Variants in TTC3 observed in about 807,000 individuals in gnomAD.
TTC3 encodes tetratricopeptide repeat domain 3.
TTC3 carries 180 observed loss-of-function variants against 249.6 expected under a neutral mutation model. The observed-to-expected ratio is 0.72, with a 90% CI of 0.64 to 0.82. TTC3 has a LOEUF of 0.82. Ranked by LOEUF, TTC3 falls within the 40% of genes least tolerant of loss-of-function variation. TTC3 has a pLI of 0.00. For missense variants in TTC3, 2,061 were observed against 2,398.4 expected (o/e 0.86, Z 2.94); for synonymous variants, 717 against 805.0 (o/e 0.89, Z 1.85).
intron 17 of TTC3, among the ~76,000 whole-genome samples, chr21:37,133,039 A>C (rs1312423792): frequency 6.6e-6 from 1 of 152,208 alleles, no homozygotes; most frequent in East Asian, 1.9e-4. Context: ...GACTGCTAAG[A>C]ATCCAATCTA....
At chr21:37,175,729 G>C (rs534727581) in intron 35 of TTC3, among the ~76,000 whole-genome samples, 3 of 151,974 alleles carry the variant, frequency 2.0e-5, no homozygotes, top group African/African-American at 7.2e-5. Context: ...AGGCAATTAG[G>C]CCAGTTATCT....
At chr21:37,195,909 C>G in exon 42 of TTC3, 17 of 1,614,242 alleles carry the variant, frequency 1.1e-5, no homozygotes, top group Non-Finnish European at 1.4e-5. Context: ...TCTGTCAGAA[C>G]GAAGCCCTGT....
chr21:37,170,763 AATAT>A (rs955259988), intron 34 of TTC3, among the ~76,000 whole-genome samples: 2 of 152,204 alleles, frequency 1.3e-5, no homozygotes, highest in African/African-American at 4.8e-5. Flanking sequence ...ATGATAAAAT[AATAT>A]ATAGAGTTCT....
At chr21:37,170,414 C>A (rs899265894) in intron 34 of TTC3, among the ~76,000 whole-genome samples, 1 of 152,124 alleles carries the variant, frequency 6.6e-6, no homozygotes, top group Non-Finnish European at 1.5e-5. Context: ...CAATCATTCA[C>A]ATTTTGAAAG....
chr21:37,172,900 A>G (rs1006643604), intron 35 of TTC3, among the ~76,000 whole-genome samples, 156 bp downstream of exon 35: 26 of 152,230 alleles, frequency 1.7e-4, no homozygotes, highest in Non-Finnish European at 7.3e-5. Context: ...TTCATGACAT[A>G]TTAAAGTGGC....
intron 11 of TTC3, among the ~76,000 whole-genome samples, chr21:37,108,867 T>G (rs545916881): frequency 3.9e-5 from 6 of 152,122 alleles, no homozygotes; most frequent in Non-Finnish European, 8.8e-5. Flanking sequence ...ACTTAAAAAC[T>G]TGTGTATGTC....
chr21:37,150,945 A>C, intron 25 of TTC3, 61 bp downstream of exon 25: 2 of 1,232,018 alleles, frequency 1.6e-6, no homozygotes, highest in Non-Finnish European at 2.3e-6. Flanking sequence ...AATTCTATTA[A>C]ATGCAGATTT....
chr21:37,099,103 G>A (rs780535955), intron 10 of TTC3: 4 of 152,090 alleles, frequency 2.6e-5, no homozygotes, highest in African/African-American at 9.7e-5. Context: ...AGGAATAAAA[G>A]GGTTAAAGTC....
intron 20 of TTC3, among the ~76,000 whole-genome samples, chr21:37,142,174 C>G (rs145282708): frequency 0.021 from 3,153 of 152,262 alleles, 100 homozygotes; most frequent in African/African-American, 0.072. Flanking sequence ...GGAAGCATTT[C>G]CTTTGAAAAC....
At position 37,124,790 on chromosome 21, in the gene TTC3, A is replaced by G. The variant is rs761462985; in HGVS notation, c.1233+48A>G. On this transcript the variant is annotated intron_variant, in intron 14 of 45. Coordinates refer to ENST00000355666, the Ensembl canonical transcript of TTC3. Reference sequence around the variant, plus strand: ...GTTTTTTTCAAGGATAGATAGTCTCATATTTTTACAGTAATATTTTGGTGG... The same window carrying G: ...GTTTTTTTCAAGGATAGATAGTCTCGTATTTTTACAGTAATATTTTGGTGG... 3 of 1,593,170 alleles carry G rather than the reference A, an allele frequency of 1.9e-6. No individual in the cohort carries two copies. In the Admixed American group the frequency reaches 5.3e-5, roughly 28 times the overall value.
chr21:37,087,328 A>T, exon 2 of TTC3: 1 of 1,614,004 alleles, frequency 6.2e-7, no homozygotes, highest in Middle Eastern at 1.7e-4. Flanking sequence ...CCTCACGTGG[A>T]TGATTGTGTC....
At chr21:37,136,301 G>A (rs2077932823) in intron 18 of TTC3, among the ~76,000 whole-genome samples, 1 of 152,214 alleles carries the variant, frequency 6.6e-6, no homozygotes, top group African/African-American at 2.4e-5. Context: ...CGTGAGGAAG[G>A]TATGTTGAAA....
chr21:37,180,122 C>A (rs923639904), intron 35 of TTC3, among the ~76,000 whole-genome samples: 29 of 152,180 alleles, frequency 1.9e-4, no homozygotes, highest in African/African-American at 6.8e-4. Flanking sequence ...TCTTGAGGCC[C>A]TTCTGTCTGC....
chr21:37,189,434 T>TG (rs2083725280), intron 39 of TTC3, among the ~76,000 whole-genome samples: 1 of 152,004 alleles, frequency 6.6e-6, no homozygotes, highest in African/African-American at 2.4e-5. Flanking sequence ...GTAGTAGATA[T>TG]GGGGTTTCAC....
chr21:37,097,911 A>G, intron 10 of TTC3: 1 of 710,606 alleles, frequency 1.4e-6, no homozygotes, highest in South Asian at 1.5e-5. Context: ...TTTATTGTAA[A>G]CAGAACACAT....
At chr21:37,086,701 C>G in intron 1 of TTC3, 1 of 156,336 alleles carries the variant, frequency 6.4e-6, no homozygotes, top group Non-Finnish European at 1.4e-5. Context: ...ACTCCTTTGC[C>G]CAAGACAGAA....
At chr21:37,078,662 C>T (rs1318154640) in intron 1 of TTC3, among the ~76,000 whole-genome samples, 1 of 152,022 alleles carries the variant, frequency 6.6e-6, no homozygotes, top group Non-Finnish European at 1.5e-5. Flanking sequence ...TTTAGTCATC[C>T]ACTTGATAAA....
intron 27 of TTC3, among the ~76,000 whole-genome samples, chr21:37,153,792 A>G (rs893639393): frequency 6.6e-6 from 1 of 152,212 alleles, no homozygotes; most frequent in Non-Finnish European, 1.5e-5. Context: ...TGAGAAGACA[A>G]ATCTATAATT....
At chr21:37,075,442 G>A (rs758197579) in intron 1 of TTC3, among the ~76,000 whole-genome samples, 1 of 152,272 alleles carries the variant, frequency 6.6e-6, no homozygotes, top group South Asian at 2.1e-4. Flanking sequence ...TAGATTTGCC[G>A]GATTGTAGGC....
Sources: gnomAD v4.1 joint callset for allele counts (sites outside exome capture counted in the v4.1 genomes callset) on GRCh38, gnomAD v4.1.1 for gene constraint, MANE v1.5 for transcripts, NCBI Gene and HGNC (gene_info 2026-07-23, HGNC 2026-07-21) for gene names.